EPHA6: variants seen among roughly 807,000 people sequenced by gnomAD.
EPHA6 encodes EPH receptor A6.
Under a neutral mutation model 112.0 loss-of-function variants are expected in EPHA6, and 50 were observed. The ratio of observed to expected loss-of-function variants is 0.45; its 90% CI spans 0.36 to 0.56. The LOEUF is 0.56. Among genes scored for constraint, EPHA6 ranks in the 20% least tolerant of loss-of-function variants. EPHA6 has a pLI of 0.00. For synonymous variants in EPHA6, 529 were observed against 490.7 expected (o/e 1.08, Z -1.03); for missense variants, 1,280 against 1,417.4 (o/e 0.90, Z 1.56).
At chr3:97,219,122 C>T (rs1256644956) in intron 3 of EPHA6, among the ~76,000 whole-genome samples, 1 of 152,138 alleles carries the variant, frequency 6.6e-6, no homozygotes, top group East Asian at 1.9e-4. Context: ...GGTACAGCTC[C>T]ACTCCTGGCT....
chr3:97,225,798 A>G (rs894060456), intron 3 of EPHA6, among the ~76,000 whole-genome samples: 1 of 152,232 alleles, frequency 6.6e-6, no homozygotes, highest in African/African-American at 2.4e-5. Flanking sequence ...TGTCAAAGAC[A>G]TACTTTCACC....
At chr3:96,876,473 T>C (rs9848244) in intron 2 of EPHA6, among the ~76,000 whole-genome samples, 37,761 of 150,764 alleles carry the variant, frequency 0.25, 8,918 homozygotes, top group African/African-American at 0.6. Context: ...CAGCCCCTTC[T>C]TCTGACCTTT....
intron 1 of EPHA6, among the ~76,000 whole-genome samples, chr3:96,823,610 C>G (rs371281661): frequency 2.6e-5 from 4 of 151,702 alleles, no homozygotes; most frequent in Non-Finnish European, 5.9e-5. Context: ...AAGAAATAGT[C>G]GAGCAGCAGA....
intron 3 of EPHA6, among the ~76,000 whole-genome samples, chr3:97,209,663 T>C (rs1365751594): frequency 6.6e-6 from 1 of 152,220 alleles, no homozygotes; most frequent in African/African-American, 2.4e-5. Flanking sequence ...TACATTATTT[T>C]CCTGTCCTAT....
intron 2 of EPHA6, among the ~76,000 whole-genome samples, chr3:96,973,760 G>A (rs569744904): frequency 6.7e-6 from 1 of 149,408 alleles, no homozygotes; most frequent in Admixed American, 6.7e-5. Context: ...CGGGCGTGGG[G>A]GCTGCAGTGA....
intron 16 of EPHA6, among the ~76,000 whole-genome samples, chr3:97,740,360 G>A (rs2035448317): frequency 1.3e-5 from 2 of 152,088 alleles, no homozygotes; most frequent in African/African-American, 4.8e-5. Flanking sequence ...CAAAGAACTT[G>A]ACACATTAGG....
intron 7 of EPHA6, among the ~76,000 whole-genome samples, chr3:97,455,578 C>T (rs1577461200): frequency 6.6e-6 from 1 of 152,056 alleles, no homozygotes; most frequent in Non-Finnish European, 1.5e-5. Context: ...CGTCACCCTC[C>T]CTTAATTACT....
At chr3:97,596,875 A>AATATATATAT (rs62670860) in intron 12 of EPHA6, among the ~76,000 whole-genome samples, 1,434 of 100,216 alleles carry the variant, frequency 0.014, 37 homozygotes, top group African/African-American at 0.057. Flanking sequence ...ATATCTATGG[A>AATATATATAT]ATATATATAT....
chr3:97,072,300 G>A (rs1351592599), intron 3 of EPHA6, among the ~76,000 whole-genome samples: 1 of 152,064 alleles, frequency 6.6e-6, no homozygotes, highest in East Asian at 1.9e-4. Flanking sequence ...CAATAATGAG[G>A]TTAAGATGAG....
At chr3:97,334,478 C>CTTTTT (rs1354125066) in intron 5 of EPHA6, among the ~76,000 whole-genome samples, 4 of 128,066 alleles carry the variant, frequency 3.1e-5, no homozygotes, top group South Asian at 2.4e-4. Flanking sequence ...TTTTTTTCTT[C>CTTTTT]TTTTTTTTTT....
chr3:96,912,043 G>T (rs2039244083), intron 2 of EPHA6, among the ~76,000 whole-genome samples: 1 of 151,930 alleles, frequency 6.6e-6, no homozygotes, highest in Admixed American at 6.6e-5. Context: ...GATTGGGATG[G>T]GGCATAAATA....
intron 5 of EPHA6, among the ~76,000 whole-genome samples, chr3:97,253,556 A>G (rs752799039): frequency 2.8e-4 from 43 of 152,156 alleles, no homozygotes; most frequent in Admixed American, 1.8e-3. Context: ...ATTTGTATTC[A>G]TTCTTTTATA....
At chr3:97,083,876 A>G (rs1227031707) in intron 3 of EPHA6, among the ~76,000 whole-genome samples, 1 of 151,650 alleles carries the variant, frequency 6.6e-6, no homozygotes, top group Admixed American at 6.6e-5. Flanking sequence ...GTTGTTGTAT[A>G]TACATACATG....
chr3:96,823,501 A>G (rs2033428274), intron 1 of EPHA6, among the ~76,000 whole-genome samples: 1 of 149,400 alleles, frequency 6.7e-6, no homozygotes, highest in African/African-American at 2.5e-5. Flanking sequence ...TTAATATTAA[A>G]AATCTCTTCT....
At chr3:97,084,760 C>T (rs1022951739) in intron 3 of EPHA6, among the ~76,000 whole-genome samples, 1 of 151,940 alleles carries the variant, frequency 6.6e-6, no homozygotes, top group African/African-American at 2.4e-5. Context: ...ACGACACAAA[C>T]AAATAGAAAA....
chr3:97,329,458 C>T (rs1459618807), intron 5 of EPHA6, among the ~76,000 whole-genome samples: 8 of 148,784 alleles, frequency 5.4e-5, no homozygotes, highest in East Asian at 1.9e-4. Context: ...TCCTATTTCT[C>T]CACATCCTCT....
chr3:97,222,193 T>C (rs1020474652), intron 3 of EPHA6, among the ~76,000 whole-genome samples: 1 of 151,350 alleles, frequency 6.6e-6, no homozygotes, highest in African/African-American at 2.5e-5. Context: ...TGTAATCTAA[T>C]ATGATATGAT....
intron 7 of EPHA6, among the ~76,000 whole-genome samples, chr3:97,467,478 G>A: frequency 6.6e-6 from 1 of 151,758 alleles, no homozygotes; most frequent in East Asian, 1.9e-4. Context: ...GCTCACCAAT[G>A]TGCAAATATC....
chr3:97,411,730 G>A (rs1475351166), intron 6 of EPHA6, among the ~76,000 whole-genome samples: 1 of 151,980 alleles, frequency 6.6e-6, no homozygotes, highest in African/African-American at 2.4e-5. Context: ...TTTACTTAAT[G>A]TGAGTTTTAC....
Sources: gnomAD v4.1 joint callset for allele counts (sites outside exome capture counted in the v4.1 genomes callset) on GRCh38, gnomAD v4.1.1 for gene constraint, MANE v1.5 for transcripts, NCBI Gene and HGNC (gene_info 2026-07-23, HGNC 2026-07-21) for gene names.